SORCS3: variants seen among roughly 807,000 people sequenced by gnomAD.
SORCS3 encodes sortilin related VPS10 domain containing receptor 3, also known as VPS10 domain-containing receptor SorCS3.
A neutral mutation model predicts 146.3 loss-of-function variants in SORCS3; 57 were observed. The observed-to-expected ratio is 0.39, with a 90% CI of 0.31 to 0.49. SORCS3 has a LOEUF of 0.49. Ranked by LOEUF, SORCS3 falls within the 20% of genes least tolerant of loss-of-function variation. The probability of loss-of-function intolerance (pLI) is 0.92; values close to 1 mark genes in which losing one functional copy is unlikely to be tolerated. For synonymous variants in SORCS3, 653 were observed against 618.5 expected (o/e 1.06, Z -0.83); for missense variants, 1,341 against 1,575.5 (o/e 0.85, Z 2.52).
intron 3 of SORCS3, among the ~76,000 whole-genome samples, chr10:104,937,248 A>T (rs548643430): frequency 1.3e-5 from 2 of 152,218 alleles, no homozygotes; most frequent in Admixed American, 1.3e-4. Context: ...TGTGCAGCCC[A>T]GTTCCTAACA....
At chr10:104,661,082 G>T (rs2015694251) in intron 1 of SORCS3, among the ~76,000 whole-genome samples, 1 of 152,072 alleles carries the variant, frequency 6.6e-6, no homozygotes. Flanking sequence ...GCCTATTAAT[G>T]AAGAACCACT....
chr10:105,218,078 C>T (rs1242954519), intron 19 of SORCS3, among the ~76,000 whole-genome samples: 2 of 152,158 alleles, frequency 1.3e-5, no homozygotes, highest in Non-Finnish European at 2.9e-5. Context: ...GTATAAACAA[C>T]CTACACCTTA....
At chr10:104,913,591 C>T (rs569981584) in intron 2 of SORCS3, among the ~76,000 whole-genome samples, 19 of 152,092 alleles carry the variant, frequency 1.2e-4, no homozygotes, top group Admixed American at 4.6e-4. Flanking sequence ...GCTGAGTGTG[C>T]ATAATGTGTA....
chr10:104,972,399 T>G (rs1212095506), intron 3 of SORCS3, among the ~76,000 whole-genome samples: 2 of 152,166 alleles, frequency 1.3e-5, no homozygotes, highest in African/African-American at 4.8e-5. Flanking sequence ...AAACCTTCTG[T>G]GGGAGAAATA....
intron 2 of SORCS3, among the ~76,000 whole-genome samples, chr10:104,875,294 A>T (rs905143097): frequency 2.0e-5 from 3 of 152,186 alleles, no homozygotes; most frequent in Non-Finnish European, 4.4e-5. Context: ...CTTGGGACAT[A>T]TGCATTTATT....
intron 16 of SORCS3, among the ~76,000 whole-genome samples, chr10:105,210,692 G>A (rs1038734123): frequency 1.3e-5 from 2 of 152,144 alleles, no homozygotes; most frequent in Non-Finnish European, 2.9e-5. Flanking sequence ...ATCTCATCAG[G>A]AAAAGTTTGA....
chr10:104,694,876 T>A lies in SORCS3; in HGVS notation c.627+52922T>A, dbSNP rs138373770. Among the ~76,000 whole-genome samples, 539 of 152,328 alleles carry A rather than the reference T, an allele frequency of 3.5e-3. 4 individuals carry two copies. Among genetic ancestry groups the A allele is most frequent in the Non-Finnish European group, 5.2e-3 (355 of 68,030 alleles). ...AGATTATTGATATAAGTGCCTACTC[T>A]AGGTCTTGGAAAACAGTAGGTCCTC... On this transcript the variant is annotated intron_variant, in intron 1 of 26. Transcript: ENST00000369701.
intron 1 of SORCS3, among the ~76,000 whole-genome samples, chr10:104,802,825 T>C (rs1037674378): frequency 6.6e-6 from 1 of 152,204 alleles, no homozygotes; most frequent in Non-Finnish European, 1.5e-5. Context: ...GTTTTTTCAC[T>C]CTTTTCTCTT....
chr10:105,070,682 G>C (rs1165025686), intron 5 of SORCS3, among the ~76,000 whole-genome samples: 1 of 152,196 alleles, frequency 6.6e-6, no homozygotes, highest in Non-Finnish European at 1.5e-5. Context: ...CAGCAAAGCT[G>C]ACAAGATGTT....
chr10:105,086,125 A>G (rs2133737710), intron 5 of SORCS3, among the ~76,000 whole-genome samples: 1 of 152,290 alleles, frequency 6.6e-6, no homozygotes, highest in East Asian at 1.9e-4. Flanking sequence ...AGAAATCTTG[A>G]GGATGTCTTC....
At chr10:104,642,364 G>C (rs1007333184) in intron 1 of SORCS3, among the ~76,000 whole-genome samples, 1 of 151,556 alleles carries the variant, frequency 6.6e-6, no homozygotes, top group Non-Finnish European at 1.5e-5. Context: ...TGCGGCTGCC[G>C]GGCTCCCCCT....
At chr10:104,780,002 G>A (rs1455507299) in intron 1 of SORCS3, among the ~76,000 whole-genome samples, 1 of 152,124 alleles carries the variant, frequency 6.6e-6, no homozygotes, top group Non-Finnish European at 1.5e-5. Flanking sequence ...CATGCACATT[G>A]CTATTTTGCT....
intron 16 of SORCS3, among the ~76,000 whole-genome samples, chr10:105,206,298 A>T (rs1455809171): frequency 6.6e-6 from 1 of 152,216 alleles, no homozygotes; most frequent in Non-Finnish European, 1.5e-5. Context: ...TATCATAGTT[A>T]CATGTGGTTA....
rs781420131 is a variant in SORCS3, at chr10:105,139,446, C to T, written c.1262C>T (p.Ala421Val). 3 of 1,613,600 alleles carry T rather than the reference C, an allele frequency of 1.9e-6. No individual in the cohort carries two copies. Among genetic ancestry groups the T allele is most frequent in the South Asian group, 1.1e-5 (1 of 91,026 alleles). ...ASYYVSYRRE[A>V]FAQIKLPKYS... is the part of the protein sequence containing the mutation. Reference sequence around the variant, plus strand: ...TACTACGTGTCTTATCGAAGAGAGGCCTTTGCTCAGATAAAGCTGCCTAAG... The same window carrying T: ...TACTACGTGTCTTATCGAAGAGAGGTCTTTGCTCAGATAAAGCTGCCTAAG... The change falls in exon 8 of 27, where the codon GCC (alanine) becomes GTC (valine). Residue 421 changes from alanine to valine, a missense_variant. Ala to Val is a moderately conservative substitution (Grantham distance 64). Coordinates refer to ENST00000369701, the MANE Select transcript of SORCS3 (RefSeq NM_014978.3).
chr10:104,896,216 T>C (rs373543018), intron 2 of SORCS3, among the ~76,000 whole-genome samples: 51 of 152,322 alleles, frequency 3.3e-4, no homozygotes, highest in African/African-American at 1.0e-3. Flanking sequence ...TCTTTTCTGC[T>C]GCTGGAGTTG....
At chr10:105,209,963 C>G (rs2056624391) in intron 16 of SORCS3, among the ~76,000 whole-genome samples, 1 of 152,098 alleles carries the variant, frequency 6.6e-6, no homozygotes, top group Admixed American at 6.5e-5. Context: ...CCCCCAAAGA[C>G]TGAAAAACCT....
chr10:104,751,882 T>TTCTTA (rs892212469), intron 1 of SORCS3, among the ~76,000 whole-genome samples: 4 of 140,554 alleles, frequency 2.8e-5, no homozygotes, highest in Admixed American at 1.5e-4. Context: ...TTCAATTAAG[T>TTCTTA]TCTTATATGC....
intron 3 of SORCS3, among the ~76,000 whole-genome samples, chr10:104,919,670 C>A (rs2019067615): frequency 6.6e-6 from 1 of 151,538 alleles, no homozygotes; most frequent in East Asian, 1.9e-4. Context: ...GCCTGGGCAA[C>A]AAGAGTGAAA....
At chr10:105,007,900 C>G (rs2055107241) in intron 4 of SORCS3, among the ~76,000 whole-genome samples, 1 of 152,100 alleles carries the variant, frequency 6.6e-6, no homozygotes, top group Non-Finnish European at 1.5e-5. Flanking sequence ...ATGGGGACCT[C>G]TTTCCTGGGA....
Sources: allele counts gnomAD v4.1 joint callset (sites outside exome capture counted in the v4.1 genomes callset), GRCh38; gene constraint gnomAD v4.1.1; transcripts MANE v1.5; gene names NCBI Gene and HGNC (gene_info 2026-07-23, HGNC 2026-07-21).